The following PAWR variants were observed in gnomAD, a reference collection of about 807,000 sequenced individuals.
PAWR encodes pro-apoptotic WT1 regulator.
Under a neutral mutation model 32.0 loss-of-function variants are expected in PAWR, and 23 were observed. The ratio of observed to expected loss-of-function variants is 0.72; its 90% CI spans 0.52 to 1.02. The LOEUF (loss-of-function observed/expected upper bound fraction) is 1.02, where lower values mean the gene tolerates loss of function less well. Among genes scored for constraint, PAWR ranks in the 50% least tolerant of loss-of-function variants. The pLI is 0.00. For synonymous variants in PAWR, 226 were observed against 187.1 expected (o/e 1.21, Z -1.70); for missense variants, 457 against 437.7 (o/e 1.04, Z -0.39).
intron 2 of PAWR, among the ~76,000 whole-genome samples, chr12:79,687,522 T>C (rs1030681059): frequency 1.3e-5 from 2 of 152,194 alleles, no homozygotes; most frequent in African/African-American, 2.4e-5. Context: ...TACTCGACAT[T>C]AGATAAAATA....
chr12:79,678,216 A>C (rs992705167), intron 2 of PAWR, among the ~76,000 whole-genome samples: 2 of 152,244 alleles, frequency 1.3e-5, no homozygotes, highest in African/African-American at 2.4e-5. Flanking sequence ...TAGGCAGACA[A>C]AACTGTTTTC....
rs11114195 is a variant in PAWR at position 79,627,683 on chromosome 12, G to A, written c.517-6476C>T. 6.8e-3 allele frequency among the ~76,000 whole-genome samples: 1,042 copies of A among 152,174 alleles called. 9 individuals carry two copies. The highest frequency in any genetic ancestry group is 0.011 in the Non-Finnish European group (731 of 68,012). ...CCTTGCCCATGCCTATGTCCTGAAC[G>A]GTATTGCCTAGGTTTTTGAGACAAA... is the stretch of plus-strand genomic sequence containing the variant. On this transcript the variant is annotated intron_variant, in intron 2 of 6. Transcript: ENST00000328827.
At chr12:79,612,511 G>A (rs1874487313) in intron 4 of PAWR, among the ~76,000 whole-genome samples, 1 of 152,042 alleles carries the variant, frequency 6.6e-6, no homozygotes, top group African/African-American at 2.4e-5. Flanking sequence ...TAAAAATGTG[G>A]GCTCCAGAGT....
chr12:79,598,686 C>T (rs1457481312), intron 4 of PAWR, among the ~76,000 whole-genome samples: 1 of 152,216 alleles, frequency 6.6e-6, no homozygotes, highest in Non-Finnish European at 1.5e-5. Flanking sequence ...TCACCATCTA[C>T]TTTACTGATA....
chr12:79,689,363 C>A (rs1357004476), intron 2 of PAWR, among the ~76,000 whole-genome samples: 1 of 152,018 alleles, frequency 6.6e-6, no homozygotes, highest in Non-Finnish European at 1.5e-5. Flanking sequence ...AATGTCGTCA[C>A]CATTAATCAA....
chr12:79,647,802 A>T (rs887954776), intron 2 of PAWR, among the ~76,000 whole-genome samples: 1 of 152,232 alleles, frequency 6.6e-6, no homozygotes, highest in Non-Finnish European at 1.5e-5. Flanking sequence ...ATAACCAACT[A>T]AGTATCAAAA....
At chr12:79,632,343 A>G (rs1183723063) in intron 2 of PAWR, among the ~76,000 whole-genome samples, 2 of 58,294 alleles carry the variant, frequency 3.4e-5, no homozygotes, top group African/African-American at 3.6e-4. Flanking sequence ...ATATATATAT[A>G]TATATATATA....
chr12:79,649,675 C>T (rs1430750922), intron 2 of PAWR, among the ~76,000 whole-genome samples: 1 of 152,012 alleles, frequency 6.6e-6, no homozygotes, highest in Non-Finnish European at 1.5e-5. Flanking sequence ...CTTGTAGTCC[C>T]AACTGCTTGG....
chr12:79,594,700 C>CGTGTGT (rs34121968), intron 5 of PAWR, among the ~76,000 whole-genome samples: 66 of 148,576 alleles, frequency 4.4e-4, no homozygotes, highest in African/African-American at 1.5e-3. Context: ...GATTTAACCT[C>CGTGTGT]GTGTGTGTGT....
chr12:79,630,542 A>G (rs1056247633), intron 2 of PAWR, among the ~76,000 whole-genome samples: 8 of 152,118 alleles, frequency 5.3e-5, no homozygotes, highest in Non-Finnish European at 8.8e-5. Flanking sequence ...GCCTCAAGCA[A>G]TCTATCTGCC....
intron 2 of PAWR, among the ~76,000 whole-genome samples, chr12:79,674,156 G>A (rs1460169115): frequency 3.3e-5 from 5 of 151,906 alleles, no homozygotes; most frequent in African/African-American, 7.3e-5. Context: ...TTCACTATAC[G>A]ACAAGGCTAC....
At chr12:79,688,351 T>C (rs901334021) in intron 2 of PAWR, 2 of 151,904 alleles carry the variant, frequency 1.3e-5, no homozygotes, top group Non-Finnish European at 2.9e-5. Flanking sequence ...GAGGAAAAGA[T>C]TGAAAATGAC....
chr12:79,685,117 A>G (rs1439126261), intron 2 of PAWR, among the ~76,000 whole-genome samples: 1 of 152,236 alleles, frequency 6.6e-6, no homozygotes, highest in African/African-American at 2.4e-5. Flanking sequence ...GAGAAATGAC[A>G]TCCCAGCTCA....
chr12:79,662,738 A>G (rs1739417198), intron 2 of PAWR, among the ~76,000 whole-genome samples: 1 of 152,248 alleles, frequency 6.6e-6, no homozygotes, highest in Admixed American at 6.5e-5. Context: ...CAAAGGCTTG[A>G]ACAAAATCAC....
At chr12:79,650,714 TAAA>T (rs34166197) in intron 2 of PAWR, among the ~76,000 whole-genome samples, 6 of 113,058 alleles carry the variant, frequency 5.3e-5, no homozygotes, top group Admixed American at 1.9e-4. Context: ...TAAAGGTTAT[TAAA>T]AAAAAAAAAA....
chr12:79,690,264 G>A lies in PAWR; in HGVS notation c.-20C>T. On this transcript the variant is annotated 5_prime_UTR_variant, in exon 2 of 7. Coordinates refer to ENST00000328827, the MANE Select transcript of PAWR (RefSeq NM_002583.4). ...CGCCATATTCCCAAAGGGGCCGGTC[G>A]GGCTCTCACCTCAGGCCGCCCACCA... is the stretch of plus-strand genomic sequence containing the variant. The A allele has an allele frequency of 6.7e-7, 1 of 1,484,880 alleles. No individual in the cohort carries two copies. 92.0% of individuals were successfully genotyped at this position (1,484,880 alleles called of 1,614,324 possible).
rs146758621 is a variant in PAWR, at chr12:79,598,558, A to C, written c.684-1900T>G. Among the ~76,000 whole-genome samples, 325 of 152,328 alleles carry C rather than the reference A, an allele frequency of 2.1e-3. 2 individuals carry two copies. Among genetic ancestry groups the C allele is most frequent in the African/African-American group, 7.6e-3 (317 of 41,578 alleles). On this transcript the variant is annotated intron_variant, in intron 4 of 6. Coordinates refer to ENST00000328827, the MANE Select transcript of PAWR (RefSeq NM_002583.4). Reference sequence around the variant, plus strand: ...TCGAAAGTGACTTCTCGTTTTAAAAATTGATTCCTCATCTATGAATTTCTT... The same window carrying C: ...TCGAAAGTGACTTCTCGTTTTAAAACTTGATTCCTCATCTATGAATTTCTT...
rs34039182 is a variant in PAWR at position 79,638,790 on chromosome 12, G to GGTGTGTGTGTGTGT, written c.517-17597_517-17584dup. On this transcript the variant is annotated intron_variant, in intron 2 of 6. Coordinates refer to ENST00000328827, the MANE Select transcript of PAWR (RefSeq NM_002583.4). ...GTCCAAATGCTATCATTATATTTGGGGTGTGTGTGTGTGTGTGTGTGTGTG... is the reference window on the plus strand; with the variant it reads ...GTCCAAATGCTATCATTATATTTGGGGTGTGTGTGTGTGTGTGTGTGTGTGTGTGTGTGTGTGTG... 4.7e-4 allele frequency among the ~76,000 whole-genome samples: 50 copies of GGTGTGTGTGTGTGT among 105,274 alleles called. 1 individual carries two copies. Among genetic ancestry groups the GGTGTGTGTGTGTGT allele is most frequent in the African/African-American group, 1.8e-3 (49 of 26,594 alleles). 69.1% of individuals were successfully genotyped at this position (105,274 alleles called of 152,430 possible). A position where few individuals can be genotyped will look rare whatever the true frequency, so the allele number is the denominator to read the frequency against.
chr12:79,631,646 G>A (rs571016741), intron 2 of PAWR, among the ~76,000 whole-genome samples: 29 of 152,162 alleles, frequency 1.9e-4, no homozygotes, highest in Non-Finnish European at 3.7e-4. Context: ...ACCTCAGTAT[G>A]GAAAAATATG....
Sources: allele counts gnomAD v4.1 joint callset (sites outside exome capture counted in the v4.1 genomes callset), GRCh38; gene constraint gnomAD v4.1.1; transcripts MANE v1.5; gene names NCBI Gene and HGNC (gene_info 2026-07-23, HGNC 2026-07-21).